The following SV2B variants were observed in gnomAD, a reference collection of about 807,000 sequenced individuals.
SV2B encodes the protein solute carrier family 22 member B2.
In SV2B, 41 loss-of-function variants were observed where a neutral mutation model predicts 73.9. That is an observed-to-expected ratio of 0.56 (90% confidence interval 0.43 to 0.72). The LOEUF (loss-of-function observed/expected upper bound fraction) is 0.72. SV2B is among the 30% of genes least tolerant of loss of function. The pLI, the probability that SV2B is intolerant of heterozygous loss-of-function variation, is 0.00. For missense variants in SV2B, 764 were observed against 857.8 expected, an observed-to-expected ratio of 0.89 and a Z score of 1.37; for synonymous variants, 314 against 314.2, an observed-to-expected ratio of 1.00 and a Z score of 0.01.
chr15:91,294,273 A>G lies in SV2B; in HGVS notation c.*1721A>G, dbSNP rs1165110142. The G allele has an allele frequency of 1.3e-5, 2 of 152,210 alleles. No homozygotes were observed. Among genetic ancestry groups the G allele is most frequent in the Non-Finnish European group, 2.9e-5 (2 of 68,022 alleles). 9.4% of individuals were successfully genotyped at this position (152,210 alleles called of 1,614,324 possible). A position where few individuals can be genotyped will look rare whatever the true frequency, so the allele number is the denominator to read the frequency against. ...CATCTTTCTGTAATTTTCCTCAATT[A>G]ACGGGTTGGTAGGGGTAAATCTTAT... On this transcript the variant is annotated 3_prime_UTR_variant, in exon 13 of 13. Transcript: ENST00000394232. This position sits in a 1 kb window ranked among gnomAD's most constrained non-coding sequence, Gnocchi z 4.1.
In SV2B at chr15:91,189,304, G is replaced by A. The variant is rs576104828; in HGVS notation, c.-391-36569G>A. 3.3e-5 allele frequency among the ~76,000 whole-genome samples: 5 copies of A among 151,806 alleles called. No homozygotes were observed. The South Asian group carries it at 6.2e-4, about 19-fold the overall frequency. On this transcript the variant is annotated intron_variant, in intron 1 of 12. Coordinates refer to ENST00000394232, the MANE Select transcript of SV2B (RefSeq NM_001323032.3). ...CCTCCGTCCCCATTTACCTCCTTTC[G>A]TAGGCATCCATTCCAACACGTTTAG...
intron 1 of SV2B, among the ~76,000 whole-genome samples, chr15:91,217,550 A>C (rs1413747322): frequency 5.3e-5 from 8 of 152,200 alleles, no homozygotes; most frequent in Non-Finnish European, 2.9e-5. Flanking sequence ...TGTACCCTAG[A>C]ACTTAAAGTA....
rs1179110018 is a variant in SV2B at position 91,240,110 on chromosome 15, G to A, written c.452-11709G>A. Among the ~76,000 whole-genome samples the A allele has an allele frequency of 6.6e-6, 1 of 152,220 alleles. No individual in the cohort carries two copies. The highest frequency in any genetic ancestry group is 1.5e-5 in the Non-Finnish European group (1 of 68,038). On this transcript the variant is annotated intron_variant, in intron 2 of 12. Transcript: ENST00000394232. This position sits in a 1 kb window ranked among gnomAD's most constrained non-coding sequence, Gnocchi z 4.6. ...CCAGGGTTCCCTTAGCAAGGAAGAA[G>A]AGGGAAAAGGGCTGTTGGGAACATG...
At chr15:91,149,554 T>C (rs1054830489) in intron 1 of SV2B, among the ~76,000 whole-genome samples, 19 of 152,316 alleles carry the variant, frequency 1.2e-4, no homozygotes, top group African/African-American at 3.8e-4. Context: ...TCTGAAGTAA[T>C]TGAACTGTAG....
rs1171401776 is a variant in SV2B at position 91,265,224 on chromosome 15, C to A, written c.1009-1358C>A. On this transcript the variant is annotated intron_variant, in intron 6 of 12. Transcript: ENST00000394232. The surrounding 1 kb of genome is among the most constrained non-coding windows in gnomAD (Gnocchi z 4.2). The stretch of plus-strand genomic sequence containing the variant: ...GTCACACTCTTAGTTGATGCCCATG[C>A]CGTGAGCTCTAGGTTTTACCAGCCC... Among the ~76,000 whole-genome samples the A allele has an allele frequency of 2.6e-5, 4 of 152,146 alleles. No individual in the cohort carries two copies. The highest frequency in any genetic ancestry group is 9.7e-5 in the African/African-American group (4 of 41,430).
rs575095663 is a variant in SV2B at position 91,118,273 on chromosome 15, G to A, written c.-392+17910G>A. ...GTGGAATGGAGTCTACTATTCAGGA[G>A]AGTGCTTTAGAGGGTTTGATGTGTG... On this transcript the variant is annotated intron_variant, in intron 1 of 12. Transcript: ENST00000394232. This position sits in a 1 kb window ranked among gnomAD's most constrained non-coding sequence, Gnocchi z 4.7. Among the ~76,000 whole-genome samples the A allele has an allele frequency of 6.6e-6, 1 of 152,142 alleles. No individual in the cohort carries two copies. The highest frequency in any genetic ancestry group is 2.4e-5 in the African/African-American group (1 of 41,418).
At chr15:91,153,440 G>A (rs2043377753) in intron 1 of SV2B, among the ~76,000 whole-genome samples, 1 of 152,152 alleles carries the variant, frequency 6.6e-6, no homozygotes, top group African/African-American at 2.4e-5. Flanking sequence ...TTTTAGGTCT[G>A]TGACCTTGGG....
Position 91,292,453 on chromosome 15 carries a change from A to G in SV2B, c.1953A>G (p.Ile651Met), listed in dbSNP as rs2049075196. The G allele has an allele frequency of 6.2e-7, 1 of 1,614,070 alleles. No homozygotes were observed. Among genetic ancestry groups the G allele is most frequent in the Non-Finnish European group, 8.5e-7 (1 of 1,180,036 alleles). ...CCATCTTTGCTTCTTTTGTTGGGAT[A>G]ACCAAAGTGGTCCCCATCCTTCTGG... ...GNTIFASFVG[I>M]TKVVPILLAA... Residue 651 changes from isoleucine to methionine, a missense_variant, in exon 13 of 13, where the codon ATA (isoleucine) becomes ATG (methionine). Ile to Met is a conservative substitution (Grantham distance 10). Transcript: ENST00000394232.
At position 91,299,864 on chromosome 15, in the gene SV2B, C is replaced by G. The variant is rs879859845; in HGVS notation, c.*7312C>G. ...TTCGCCATGTTGGCCAGGCTCGTCT[C>G]GAACTCCTGGCCTCAAGTGATCTGC... On this transcript the variant is annotated 3_prime_UTR_variant, in exon 13 of 13. Transcript: ENST00000394232. 1 of 152,152 alleles carries G rather than the reference C, an allele frequency of 6.6e-6. No homozygotes were observed. Among genetic ancestry groups the G allele is most frequent in the Non-Finnish European group, 1.5e-5 (1 of 68,044 alleles). 9.4% of individuals were successfully genotyped at this position (152,152 alleles called of 1,614,324 possible).
chr15:91,107,750 C>G (rs2041928434), intron 1 of SV2B, among the ~76,000 whole-genome samples: 1 of 152,146 alleles, frequency 6.6e-6, no homozygotes, highest in Non-Finnish European at 1.5e-5. Context: ...GCTGGGAATA[C>G]AGGCATGCAC....
At chr15:91,104,176 C>T (rs577194726) in intron 1 of SV2B, among the ~76,000 whole-genome samples, 1 of 152,334 alleles carries the variant, frequency 6.6e-6, no homozygotes, top group African/African-American at 2.4e-5. Context: ...TCTCACATGT[C>T]TCTTGGTTGG....
At chr15:91,172,213 C>T (rs1468429315) in intron 1 of SV2B, among the ~76,000 whole-genome samples, 1 of 152,228 alleles carries the variant, frequency 6.6e-6, no homozygotes, top group Non-Finnish European at 1.5e-5. Context: ...CTCTTCTCCT[C>T]CCCCTCTGCA....
chr15:91,219,732 C>G (rs2046154164), intron 1 of SV2B, among the ~76,000 whole-genome samples: 1 of 152,128 alleles, frequency 6.6e-6, no homozygotes, highest in Non-Finnish European at 1.5e-5. Context: ...TTAGGACATT[C>G]CCATCAACAC....
chr15:91,255,232 T>C (rs1484078947), intron 4 of SV2B, among the ~76,000 whole-genome samples: 1 of 152,196 alleles, frequency 6.6e-6, no homozygotes, highest in Non-Finnish European at 1.5e-5. Flanking sequence ...GTTGGGGACA[T>C]GTTGACCAAC....
At chr15:91,177,940 G>A (rs1445990558) in intron 1 of SV2B, among the ~76,000 whole-genome samples, 4 of 148,054 alleles carry the variant, frequency 2.7e-5, no homozygotes, top group Non-Finnish European at 6.0e-5. Context: ...TTGAATAGGA[G>A]TGGTGAGAGA....
At chr15:91,235,027 C>A (rs1376513430) in intron 2 of SV2B, among the ~76,000 whole-genome samples, 1 of 152,140 alleles carries the variant, frequency 6.6e-6, no homozygotes, top group East Asian at 1.9e-4. Context: ...GTTTTCCCCC[C>A]AGTTCAGGAA....
chr15:91,119,953 C>T (rs994309865), intron 1 of SV2B, among the ~76,000 whole-genome samples: 11 of 152,120 alleles, frequency 7.2e-5, no homozygotes, highest in Non-Finnish European at 1.0e-4. Context: ...GTAAAAGCTC[C>T]GCATATATTG....
chr15:91,119,028 C>G (rs868619447), intron 1 of SV2B, among the ~76,000 whole-genome samples: 66 of 152,284 alleles, frequency 4.3e-4, no homozygotes, highest in Middle Eastern at 3.4e-3. Context: ...CAGCTTCTGT[C>G]TGGCCTGTAG....
intron 1 of SV2B, among the ~76,000 whole-genome samples, chr15:91,146,877 G>C (rs1249727855): frequency 1.3e-5 from 2 of 152,174 alleles, no homozygotes; most frequent in African/African-American, 2.4e-5. Context: ...GTGATTTTTG[G>C]TAAGTCACTT....
Sources: allele counts gnomAD v4.1 joint callset (sites outside exome capture counted in the v4.1 genomes callset), GRCh38; gene constraint gnomAD v4.1.1; non-coding constraint Gnocchi (gnomAD v3.1); transcripts MANE v1.5; gene names NCBI Gene and HGNC (gene_info 2026-07-23, HGNC 2026-07-21).